L3MBTL1: variants seen among roughly 807,000 people sequenced by gnomAD.
The protein encoded by L3MBTL1 is lethal(3)malignant brain tumor-like protein 1.
A neutral mutation model predicts 105.3 loss-of-function variants in L3MBTL1; 75 were observed. The ratio of observed to expected loss-of-function variants is 0.71; its 90% confidence interval spans 0.59 to 0.86. L3MBTL1 has a LOEUF of 0.86. Ranked by LOEUF, L3MBTL1 falls within the 40% of genes least tolerant of loss-of-function variation. L3MBTL1 has a pLI of 0.00. For synonymous variants in L3MBTL1, 452 were observed against 436.2 expected, an observed-to-expected ratio of 1.04 and a Z score of -0.45; for missense variants, 1,069 against 1,126.4, an observed-to-expected ratio of 0.95 and a Z score of 0.73.
chr20:43,509,096 A>G (rs533595831), intron 1 of L3MBTL1, among the ~76,000 whole-genome samples: 2 of 152,302 alleles, frequency 1.3e-5, no homozygotes, highest in South Asian at 4.1e-4. Flanking sequence ...CCCTTTTGCT[A>G]GACCCTTTTC....
chr20:43,526,848 G>T (rs1407660306), intron 7 of L3MBTL1, among the ~76,000 whole-genome samples: 4 of 152,204 alleles, frequency 2.6e-5, no homozygotes, highest in Non-Finnish European at 1.5e-5. Context: ...CTCGGAGGCT[G>T]AGGTAGGAGA....
chr20:43,508,785 G>A (rs1359098873), intron 1 of L3MBTL1, among the ~76,000 whole-genome samples: 1 of 152,262 alleles, frequency 6.6e-6, no homozygotes, highest in African/African-American at 2.4e-5. Context: ...GGCGGAAGAA[G>A]AAGCTGAACT....
Position 43,534,325 on chromosome 20 carries a change from T to C in L3MBTL1, c.1641T>C (p.Ala547=). Reference sequence around the variant, plus strand: ...TCCTGGTCAATATGAAGCTGGAGGCTGTGGACCGCAGGAACCCAGCCCTGA... The same window carrying C: ...TCCTGGTCAATATGAAGCTGGAGGCCGTGGACCGCAGGAACCCAGCCCTGA... ...HSFLVNMKLE[A]VDRRNPALIR... is the part of the protein sequence containing the mutation. The change falls in exon 15 of 22, where the codon GCT becomes GCC. Residue 547 remains alanine (A), a synonymous_variant. Coordinates refer to ENST00000418998, the MANE Select transcript of L3MBTL1 (RefSeq NM_001377303.1). The C allele has an allele frequency of 6.2e-7, 1 of 1,614,112 alleles. No individual in the cohort carries two copies.
At chr20:43,539,934 T>C (rs1236806749) in intron 19 of L3MBTL1, 2 of 634,160 alleles carry the variant, frequency 3.2e-6, no homozygotes, top group Admixed American at 4.5e-5. Context: ...ATAGCTGACC[T>C]GAGAGTCTTT....
chr20:43,544,451 T>C (rs1174552659), downstream of L3MBTL1, among the ~76,000 whole-genome samples: 2 of 152,162 alleles, frequency 1.3e-5, no homozygotes, highest in Non-Finnish European at 2.9e-5. Context: ...CTTTTCCTGA[T>C]CATATGACTC....
chr20:43,515,930 T>TGTCTGCTGGAGCTGCAC, intron 6 of L3MBTL1, 163 bp from the exon 7 acceptor site: 2 of 603,512 alleles, frequency 3.3e-6, no homozygotes, highest in African/African-American at 3.7e-5. Flanking sequence ...GATAGGGGGA[T>TGTCTGCTGGAGCTGCAC]GTCTGCTGGA....
chr20:43,535,387 C>T lies in L3MBTL1; in HGVS notation c.1825+445C>T, dbSNP rs567181674. On this transcript the variant is annotated intron_variant, in intron 16 of 21. Transcript: ENST00000418998. Reference sequence around the variant, plus strand: ...CCCTTAGGATTTCCCTTCCTTATTTCCCTGCTGCAACCGTGTTTGTCTCAC... The same window carrying T: ...CCCTTAGGATTTCCCTTCCTTATTTTCCTGCTGCAACCGTGTTTGTCTCAC... 2.6e-5 allele frequency among the ~76,000 whole-genome samples: 4 copies of T among 152,312 alleles called. No homozygotes were observed. In the East Asian group the frequency reaches 5.8e-4, roughly 22 times the overall value.
chr20:43,530,169 G>T, intron 9 of L3MBTL1, 115 bp from the exon 10 acceptor site: 1 of 1,314,984 alleles, frequency 7.6e-7, no homozygotes, highest in South Asian at 1.2e-5. Context: ...TGGGGTTGGG[G>T]AACCTGCTAG....
At chr20:43,515,534 ACT>A in intron 6 of L3MBTL1, 119 bp downstream of exon 6, 1 of 1,345,358 alleles carries the variant, frequency 7.4e-7, no homozygotes, top group South Asian at 1.5e-5. Flanking sequence ...ATAATGACTC[ACT>A]CATCATATTT....
intron 1 of L3MBTL1, among the ~76,000 whole-genome samples, chr20:43,510,068 T>C (rs2145363690): frequency 6.6e-6 from 1 of 152,284 alleles, no homozygotes; most frequent in South Asian, 2.1e-4. Context: ...TTTCAACATG[T>C]TGTCCAGGCT....
At chr20:43,540,863 TAAG>T (rs1261769589) in intron 21 of L3MBTL1, 48 bp downstream of exon 21, 1 of 1,612,660 alleles carries the variant, frequency 6.2e-7, no homozygotes, top group Non-Finnish European at 8.5e-7. Flanking sequence ...TCACTGTCCT[TAAG>T]ACGGCAGGAA....
intron 7 of L3MBTL1, among the ~76,000 whole-genome samples, chr20:43,520,352 A>G (rs1000122837): frequency 2.0e-5 from 3 of 152,206 alleles, no homozygotes; most frequent in African/African-American, 7.2e-5. Flanking sequence ...TAATGCCAGT[A>G]TGAACATTTG....
At chr20:43,546,995 AGCC>A (rs1978642997) in intron 18 of L3MBTL1, among the ~76,000 whole-genome samples, 5 of 151,982 alleles carry the variant, frequency 3.3e-5, no homozygotes, top group Admixed American at 6.6e-5. Context: ...GCAGTTTTTG[AGCC>A]AGAATCTGAA....
intron 9 of L3MBTL1, among the ~76,000 whole-genome samples, chr20:43,529,714 G>A (rs1331549325): frequency 6.6e-6 from 1 of 152,216 alleles, no homozygotes; most frequent in Non-Finnish European, 1.5e-5. Context: ...CACAGGGGTG[G>A]CAGCAGACTT....
At chr20:43,535,406 G>C (rs1387526457) in intron 16 of L3MBTL1, among the ~76,000 whole-genome samples, 1 of 152,186 alleles carries the variant, frequency 6.6e-6, no homozygotes. Context: ...AACCGTGTTT[G>C]TCTCACATGG....
intron 20 of L3MBTL1, 42 bp from the exon 21 acceptor site, chr20:43,540,711 A>C (rs2019869658): frequency 5.6e-6 from 9 of 1,601,406 alleles, no homozygotes; most frequent in Non-Finnish European, 6.0e-6. Flanking sequence ...CTACATGCCT[A>C]AGCTCTGTCC....
At position 43,515,962 on chromosome 20, in the gene L3MBTL1, T is replaced by C. The variant is rs961493129; in HGVS notation, c.778-131T>C. 9 of 656,596 alleles carry C rather than the reference T, an allele frequency of 1.4e-5. 1 individual carries two copies. The Middle Eastern group carries it at 1.2e-3, about 90-fold the overall frequency. 40.7% of individuals were successfully genotyped at this position (656,596 alleles called of 1,614,324 possible). A position where few individuals can be genotyped will look rare whatever the true frequency, so the allele number is the denominator to read the frequency against. ...TGGAGCTGCACTCCTGCTGGCGGCC[T>C]AGAAGAAATTCTGCCTGTTTGGGGC... On this transcript the variant is annotated intron_variant, in intron 6 of 21. Coordinates refer to ENST00000418998, the MANE Select transcript of L3MBTL1 (RefSeq NM_001377303.1).
chr20:43,537,970 G>A (rs931840342), intron 19 of L3MBTL1, among the ~76,000 whole-genome samples: 9 of 152,180 alleles, frequency 5.9e-5, no homozygotes, highest in Non-Finnish European at 1.2e-4. Context: ...CGTACCCACC[G>A]TATGATGTGG....
chr20:43,528,511 A>G (rs921608296), intron 7 of L3MBTL1, 146 bp from the exon 8 acceptor site: 2 of 646,382 alleles, frequency 3.1e-6, no homozygotes, highest in African/African-American at 1.8e-5. Flanking sequence ...GTCTGGCACC[A>G]TCATGGTGGG....
Sources: allele counts gnomAD v4.1 joint callset (sites outside exome capture counted in the v4.1 genomes callset), GRCh38; gene constraint gnomAD v4.1.1; transcripts MANE v1.5; gene names NCBI Gene and HGNC (gene_info 2026-07-23, HGNC 2026-07-21).